KHDRBS2: variants seen among roughly 807,000 people sequenced by gnomAD.
KHDRBS2 encodes KH domain-containing, RNA-binding, signal transduction-associated protein 2.
KHDRBS2 carries 26 observed loss-of-function variants against 44.3 expected under a neutral mutation model. That is an observed-to-expected ratio of 0.59 (90% CI 0.43 to 0.81). The LOEUF (loss-of-function observed/expected upper bound fraction) is 0.81. Ranked by LOEUF, KHDRBS2 falls within the 40% of genes least tolerant of loss-of-function variation. KHDRBS2 has a pLI of 0.00. For missense variants in KHDRBS2, 476 were observed against 433.1 expected (o/e 1.10, Z -0.88); for synonymous variants, 194 against 151.1 (o/e 1.28, Z -2.08).
intron 6 of KHDRBS2, among the ~76,000 whole-genome samples, chr6:61,864,204 C>T (rs1797450867): frequency 6.6e-6 from 1 of 152,174 alleles, no homozygotes; most frequent in African/African-American, 2.4e-5. Flanking sequence ...AGACAGCATA[C>T]TGACAGGTCT....
intron 6 of KHDRBS2, among the ~76,000 whole-genome samples, chr6:61,892,089 C>A (rs1335417753): frequency 1.3e-5 from 2 of 152,170 alleles, no homozygotes; most frequent in African/African-American, 4.8e-5. Context: ...AAATCACAAG[C>A]ATTCGTATAC....
intron 1 of KHDRBS2, among the ~76,000 whole-genome samples, chr6:62,183,282 A>C (rs891685228): frequency 6.6e-6 from 1 of 151,744 alleles, no homozygotes; most frequent in Admixed American, 6.6e-5. Flanking sequence ...CTTATATTTT[A>C]AGTTGGTTAT....
chr6:62,023,278 G>A (rs531252377), intron 3 of KHDRBS2, among the ~76,000 whole-genome samples: 23 of 151,776 alleles, frequency 1.5e-4, no homozygotes, highest in Admixed American at 1.2e-3. Context: ...AACAACCTGA[G>A]TATGTGCTTA....
the KHDRBS2 span, among the ~76,000 whole-genome samples, chr6:61,590,595 A>C: frequency 1.3e-5 from 2 of 152,214 alleles, no homozygotes; most frequent in Non-Finnish European, 2.9e-5. Context: ...TTCTCACAGT[A>C]GGACTTCTCT....
At chr6:62,111,439 T>A (rs1235685516) in intron 2 of KHDRBS2, among the ~76,000 whole-genome samples, 1 of 152,122 alleles carries the variant, frequency 6.6e-6, no homozygotes, top group African/African-American at 2.4e-5. Context: ...TATATTAAAT[T>A]ATTTGATGGT....
chr6:61,811,911 T>G (rs1411736555), intron 6 of KHDRBS2, among the ~76,000 whole-genome samples: 1 of 152,104 alleles, frequency 6.6e-6, no homozygotes, highest in Non-Finnish European at 1.5e-5. Context: ...CAGTGTGATT[T>G]AATCAAAAGT....
chr6:61,717,039 C>T (rs1771551683), intron 7 of KHDRBS2, among the ~76,000 whole-genome samples: 1 of 152,046 alleles, frequency 6.6e-6, no homozygotes, highest in African/African-American at 2.4e-5. Flanking sequence ...CAGTTACTAT[C>T]TAAAACACTT....
intron 6 of KHDRBS2, among the ~76,000 whole-genome samples, chr6:61,854,161 T>C (rs565683390): frequency 6.6e-6 from 1 of 152,254 alleles, no homozygotes; most frequent in Non-Finnish European, 1.5e-5. Flanking sequence ...AGAATTCAAG[T>C]CCTGGAATTT....
chr6:62,069,265 T>TA (rs899216299), intron 2 of KHDRBS2, among the ~76,000 whole-genome samples: 24 of 151,738 alleles, frequency 1.6e-4, no homozygotes, highest in African/African-American at 5.3e-4. Flanking sequence ...TGTATTCTTA[T>TA]AAAAAATAAG....
chr6:61,893,664 C>A (rs1002012959), intron 6 of KHDRBS2, among the ~76,000 whole-genome samples: 2 of 152,100 alleles, frequency 1.3e-5, no homozygotes, highest in African/African-American at 4.8e-5. Flanking sequence ...AAACCAAACA[C>A]CGCATGTTCT....
the KHDRBS2 span, among the ~76,000 whole-genome samples, chr6:61,611,152 G>T: frequency 6.6e-6 from 1 of 152,164 alleles, no homozygotes; most frequent in East Asian, 1.9e-4. Flanking sequence ...TCAATGACAT[G>T]TAAACCCTGT....
intron 2 of KHDRBS2, among the ~76,000 whole-genome samples, chr6:62,162,858 C>T (rs1817930369): frequency 6.6e-6 from 1 of 151,848 alleles, no homozygotes. Context: ...TTTGACATGA[C>T]CAAGTAAAAG....
the KHDRBS2 span, among the ~76,000 whole-genome samples, chr6:61,546,626 A>G: frequency 6.6e-6 from 1 of 152,168 alleles, no homozygotes; most frequent in Non-Finnish European, 1.5e-5. Context: ...AAGGTTAATA[A>G]AAAACAAGTA....
rs549043789 is a variant in KHDRBS2 at position 62,078,959 on chromosome 6, T to G, written c.220-30965A>C. Among the ~76,000 whole-genome samples, 6 of 152,162 alleles carry G rather than the reference T, an allele frequency of 3.9e-5. No homozygotes were observed. The South Asian group carries it at 1.2e-3, about 32-fold the overall frequency. On this transcript the variant is annotated intron_variant, in intron 2 of 8. Coordinates refer to ENST00000281156, the MANE Select transcript of KHDRBS2 (RefSeq NM_152688.4). Reference sequence around the variant, plus strand: ...CTATTTCTACACAATATTTTTATCATAATACCTAACTTCTCCAAAGGCAAA... The same window carrying G: ...CTATTTCTACACAATATTTTTATCAGAATACCTAACTTCTCCAAAGGCAAA...
At chr6:62,255,427 C>A (rs1165568756) in intron 1 of KHDRBS2, among the ~76,000 whole-genome samples, 1 of 152,018 alleles carries the variant, frequency 6.6e-6, no homozygotes, top group Non-Finnish European at 1.5e-5. Flanking sequence ...GAGGTAGATA[C>A]TATTGCTATC....
At chr6:61,581,135 T>C in the KHDRBS2 span, among the ~76,000 whole-genome samples, 1 of 152,170 alleles carries the variant, frequency 6.6e-6, no homozygotes, top group South Asian at 2.1e-4. Flanking sequence ...TCTGCTTCAC[T>C]CAGGCTGTAG....
intron 4 of KHDRBS2, among the ~76,000 whole-genome samples, chr6:61,933,165 G>A (rs1810406933): frequency 6.6e-6 from 1 of 152,140 alleles, no homozygotes; most frequent in Non-Finnish European, 1.5e-5. Context: ...ATCCTACATG[G>A]CTGGAGGAAG....
At chr6:62,125,859 T>A (rs1584852114) in intron 2 of KHDRBS2, among the ~76,000 whole-genome samples, 1 of 152,152 alleles carries the variant, frequency 6.6e-6, no homozygotes. Flanking sequence ...AGTATTCACC[T>A]TGGGCCTTGG....
intron 6 of KHDRBS2, among the ~76,000 whole-genome samples, chr6:61,773,883 C>T (rs912450073): frequency 2.0e-5 from 3 of 150,824 alleles, no homozygotes; most frequent in African/African-American, 7.3e-5. Flanking sequence ...TTTCCCAGCA[C>T]CATTTATTAA....
Sources: gnomAD v4.1 joint callset for allele counts (sites outside exome capture counted in the v4.1 genomes callset) on GRCh38, gnomAD v4.1.1 for gene constraint, MANE v1.5 for transcripts, NCBI Gene and HGNC (gene_info 2026-07-23, HGNC 2026-07-21) for gene names.